The following ENC1 variants were observed in gnomAD, a reference collection of about 807,000 sequenced individuals.
ENC1 encodes the protein ectodermal-neural cortex 1, also known as ectoderm-neural cortex protein 1.
ENC1 carries 19 observed loss-of-function variants against 40.9 expected under a neutral mutation model. The ratio of observed to expected loss-of-function variants is 0.46; its 90% confidence interval spans 0.32 to 0.68. The LOEUF is 0.68. Among genes scored for constraint, ENC1 ranks in the 30% least tolerant of loss-of-function variants. ENC1 has a pLI of 0.03. For missense variants in ENC1, 479 were observed against 737.5 expected, an observed-to-expected ratio of 0.65 and a Z score of 4.06; for synonymous variants, 285 against 291.1, an observed-to-expected ratio of 0.98 and a Z score of 0.21.
In ENC1 at chr5:74,634,761, C is replaced by A. The variant is rs1208780395; in HGVS notation, c.1725G>T (p.Leu575=). The A allele has an allele frequency of 6.2e-7, 1 of 1,613,700 alleles. No individual in the cohort carries two copies. Among genetic ancestry groups the A allele is most frequent in the South Asian group, 1.1e-5 (1 of 91,058 alleles). The change falls in exon 2 of 3, where the codon CTG becomes CTT. Residue 575 remains leucine (L), a synonymous_variant. Coordinates refer to ENST00000302351, the MANE Select transcript of ENC1 (RefSeq NM_003633.4). ...WNSITTVPYS[L]IPTAFVSTWK... ...AGGTGCTGACAAATGCAGTAGGAAT[C>A]AGCGAGTACGGGACAGTGGTGATGC...
chr5:74,635,830 C>T lies in ENC1; in HGVS notation c.656G>A (p.Ser219Asn). The T allele has an allele frequency of 6.2e-7, 1 of 1,614,032 alleles. No homozygotes were observed. The highest frequency in any genetic ancestry group is 8.5e-7 in the Non-Finnish European group (1 of 1,180,034). The part of the protein sequence containing the change: ...LVYESAINWI[S>N]YDLKKRYCYL... ...GCAATAGCGCTTCTTCAGGTCATAG[C>T]TGATCCAGTTAATTGCAGACTCGTA... is the stretch of plus-strand genomic sequence containing the variant. The change falls in exon 2 of 3, where the codon AGC (serine) becomes AAC (asparagine). Residue 219 changes from serine (S) to asparagine (N), a missense_variant. Ser to Asn is a conservative substitution (Grantham distance 46). Coordinates refer to ENST00000302351, the MANE Select transcript of ENC1 (RefSeq NM_003633.4). This position sits in a 1 kb window ranked among gnomAD's most constrained non-coding sequence, Gnocchi z 5.5.
intron 2 of ENC1, among the ~76,000 whole-genome samples, chr5:74,633,562 T>C (rs965101113): frequency 3.9e-5 from 6 of 152,248 alleles, no homozygotes; most frequent in African/African-American, 1.4e-4. Context: ...ACATTTAAAA[T>C]AAGCTAATAA....
intron 2 of ENC1, among the ~76,000 whole-genome samples, chr5:74,632,820 C>T (rs968640216): frequency 7.9e-5 from 12 of 152,170 alleles, no homozygotes; most frequent in African/African-American, 2.4e-4. Flanking sequence ...CATTGCACCC[C>T]AGCCTGGGAA....
At position 74,635,649 on chromosome 5, in the gene ENC1, A is replaced by T; in HGVS notation, c.837T>A (p.Asn279Lys). The T allele has an allele frequency of 1.2e-6, 2 of 1,614,218 alleles. No individual in the cohort carries two copies. Among genetic ancestry groups the T allele is most frequent in the Non-Finnish European group, 1.7e-6 (2 of 1,180,038 alleles). The change falls in exon 2 of 3, where the codon AAT becomes AAA. Residue 279 changes from asparagine to lysine, a missense_variant. By Grantham distance (94) the Asn-to-Lys change is moderately conservative. Coordinates refer to ENST00000302351, the MANE Select transcript of ENC1 (RefSeq NM_003633.4). The surrounding 1 kb of genome is among the most constrained non-coding windows in gnomAD (Gnocchi z 5.5). ...AIRCKLKILQNDGVVTSLCAR... is the reference protein window; with the variant it reads ...AIRCKLKILQKDGVVTSLCAR... ...CACAGAGGCTGGTTACCACACCGTC[A>T]TTCTGCAGGATTTTCAGTTTGCACC...
rs1747592740 is a variant in ENC1 at position 74,636,329 on chromosome 5, C to T, written c.157G>A (p.Gly53Arg). 5 of 1,614,138 alleles carry T rather than the reference C, an allele frequency of 3.1e-6. No homozygotes were observed. The highest frequency in any genetic ancestry group is 2.2e-5 in the East Asian group (1 of 44,866). Residue 53 changes from glycine to arginine, a missense_variant, in exon 2 of 3, where the codon GGA (glycine) becomes AGA (arginine). By Grantham distance (125) the Gly-to-Arg change is moderately radical. Transcript: ENST00000302351. This position sits in a 1 kb window ranked among gnomAD's most constrained non-coding sequence, Gnocchi z 4.8. ...CGGTGGCAAGGGAAGGTCCTATTTC[C>T]GGCATGGAGAAGGACGTCAGTGAAG... Reference protein sequence around the residue: ...RLFTDVLLHAGNRTFPCHRAV... With the variant: ...RLFTDVLLHARNRTFPCHRAV...
rs745754464 is a variant in ENC1, at chr5:74,640,449, C to T, written c.-156G>A. On this transcript the variant is annotated 5_prime_UTR_variant, in exon 1 of 3. Transcript: ENST00000302351. ...GGCCAGCCGGGGAGAGGACTGCGCCCCGAACGATGGCTCGCGGACCGGCTA... is the reference window on the plus strand; with the variant it reads ...GGCCAGCCGGGGAGAGGACTGCGCCTCGAACGATGGCTCGCGGACCGGCTA... 1 of 152,296 alleles carries T rather than the reference C, an allele frequency of 6.6e-6. No individual in the cohort carries two copies. Among genetic ancestry groups the T allele is most frequent in the East Asian group, 1.9e-4 (1 of 5,184 alleles). 9.4% of individuals were successfully genotyped at this position (152,296 alleles called of 1,614,324 possible).
At position 74,635,451 on chromosome 5, in the gene ENC1, A is replaced by G; in HGVS notation, c.1035T>C (p.Thr345=). Residue 345 remains threonine, a synonymous_variant, in exon 2 of 3, where the codon ACT becomes ACC. Coordinates refer to ENST00000302351, the MANE Select transcript of ENC1 (RefSeq NM_003633.4). This position sits in a 1 kb window ranked among gnomAD's most constrained non-coding sequence, Gnocchi z 5.5. The part of the protein sequence containing the change: ...ACAIGCKVYI[T]GGRGSENGVS... ...CCCCATTTTCAGACCCCCGCCCCCC[A>G]GTAATGTACACTTTGCAGCCAATCG... 6.2e-7 allele frequency: 1 copy of G among 1,613,796 alleles called. No individual in the cohort carries two copies. Among genetic ancestry groups the G allele is most frequent in the South Asian group, 1.1e-5 (1 of 91,064 alleles).
At position 74,635,823 on chromosome 5, in the gene ENC1, G is replaced by A; in HGVS notation, c.663C>T (p.Asp221=). 1.2e-6 allele frequency: 2 copies of A among 1,614,006 alleles called. No homozygotes were observed. The highest frequency in any genetic ancestry group is 1.7e-6 in the Non-Finnish European group (2 of 1,180,014). The stretch of plus-strand genomic sequence containing the variant: ...GGAGGTAGCAATAGCGCTTCTTCAG[G>A]TCATAGCTGATCCAGTTAATTGCAG... ...YESAINWISY[D]LKKRYCYLPE... The change falls in exon 2 of 3, where the codon GAC becomes GAT. Residue 221 remains aspartate (D), a synonymous_variant. Transcript: ENST00000302351. The surrounding 1 kb of genome is among the most constrained non-coding windows in gnomAD (Gnocchi z 5.5).
Position 74,635,184 on chromosome 5 carries a change from A to G in ENC1, c.1302T>C (p.Val434=). The G allele has an allele frequency of 6.2e-7, 1 of 1,614,202 alleles. No homozygotes were observed. The highest frequency in any genetic ancestry group is 8.5e-7 in the Non-Finnish European group (1 of 1,180,036). Reference sequence around the variant, plus strand: ...TGGCACTCACTACTGCGGCGTTGCTAACGCCTTCTCGGAGTGGGGCCACCA... The same window carrying G: ...TGGCACTCACTACTGCGGCGTTGCTGACGCCTTCTCGGAGTGGGGCCACCA... ...WTMVAPLREG[V]SNAAVVSAKL... is the part of the protein sequence containing the mutation. Residue 434 remains valine (V), a synonymous_variant, in exon 2 of 3, where the codon GTT becomes GTC. Transcript: ENST00000302351. This position sits in a 1 kb window ranked among gnomAD's most constrained non-coding sequence, Gnocchi z 5.5.
In ENC1 at chr5:74,640,402, G is replaced by A. The variant is rs1747814657; in HGVS notation, c.-109C>T. ...GTCGTCTCAGCCCAGGGAAGCGGTG[G>A]CGAATGCCCCGGAGAAAGGAGGGCC... On this transcript the variant is annotated 5_prime_UTR_variant, in exon 1 of 3. Coordinates refer to ENST00000302351, the MANE Select transcript of ENC1 (RefSeq NM_003633.4). The A allele has an allele frequency of 6.6e-6, 1 of 152,346 alleles. No homozygotes were observed. Among genetic ancestry groups the A allele is most frequent in the African/African-American group, 2.4e-5 (1 of 41,472 alleles). 9.4% of individuals were successfully genotyped at this position (152,346 alleles called of 1,614,324 possible).
Position 74,636,000 on chromosome 5 carries a change from G to T in ENC1, c.486C>A (p.Thr162=). ...MLLLSDAHQC[T]KLYELSWRMC... ...TTCTCCAAGATAGTTCGTACAGCTT[G>T]GTGCACTGGTGTGCATCAGACAGCA... The change falls in exon 2 of 3, where the codon ACC becomes ACA. Residue 162 remains threonine (T), a synonymous_variant. Transcript: ENST00000302351. The surrounding 1 kb of genome is among the most constrained non-coding windows in gnomAD (Gnocchi z 5.5). The T allele has an allele frequency of 6.2e-7, 1 of 1,614,144 alleles. No homozygotes were observed. Among genetic ancestry groups the T allele is most frequent in the East Asian group, 2.2e-5 (1 of 44,888 alleles).
chr5:74,632,679 C>A (rs2112019830), intron 2 of ENC1, among the ~76,000 whole-genome samples: 1 of 152,266 alleles, frequency 6.6e-6, no homozygotes, highest in South Asian at 2.1e-4. Flanking sequence ...CATGGTGAAA[C>A]CCCATCTCTA....
chr5:74,628,055 G>A lies in ENC1; in HGVS notation c.*1970C>T, dbSNP rs755315770. The A allele has an allele frequency of 6.6e-6, 1 of 152,558 alleles. No homozygotes were observed. Among genetic ancestry groups the A allele is most frequent in the Non-Finnish European group, 1.5e-5 (1 of 68,048 alleles). The allele number at this position is 152,558 out of a possible 1,614,324, so 9.5% of individuals were successfully genotyped here. ...GCAGATTTGCATCATAAACTACAGA[G>A]CTGTAACTGCTACAATATAAACGAC... On this transcript the variant is annotated 3_prime_UTR_variant, in exon 3 of 3. Transcript: ENST00000302351.
intron 2 of ENC1, among the ~76,000 whole-genome samples, chr5:74,633,931 G>C (rs1161420420): frequency 6.6e-6 from 1 of 152,206 alleles, no homozygotes; most frequent in Non-Finnish European, 1.5e-5. Flanking sequence ...TGATCCGTGG[G>C]AAACACGTGG....
In ENC1 at chr5:74,635,702, T is replaced by C; in HGVS notation, c.784A>G (p.Ser262Gly). ...MEELITKQRK[S>G]KEIVEEAIRC... ...ATGGCCTCTTCCACAATTTCCTTAC[T>C]CTTTCTCTGCTTGGTGATGAGTTCC... Residue 262 changes from serine (S) to glycine (G), a missense_variant, in exon 2 of 3, where the codon AGT becomes GGT. Physicochemically the swap from Ser to Gly is moderately conservative, Grantham distance 56. Coordinates refer to ENST00000302351, the MANE Select transcript of ENC1 (RefSeq NM_003633.4). This position sits in a 1 kb window ranked among gnomAD's most constrained non-coding sequence, Gnocchi z 5.5. 6.2e-7 allele frequency: 1 copy of C among 1,614,180 alleles called. No homozygotes were observed. The highest frequency in any genetic ancestry group is 8.5e-7 in the Non-Finnish European group (1 of 1,180,034).
At position 74,630,623 on chromosome 5, in the gene ENC1, G is replaced by A. The variant is rs148338144; in HGVS notation, c.*33-631C>T. On this transcript the variant is annotated intron_variant, in intron 2 of 2. Coordinates refer to ENST00000302351, the MANE Select transcript of ENC1 (RefSeq NM_003633.4). ...AGTTTGGAGTTTATTCTCAAAGTTC[G>A]TCAGTCCACACGTAGGTGCCAGCAG... 4.6e-5 allele frequency among the ~76,000 whole-genome samples: 7 copies of A among 152,214 alleles called. No individual in the cohort carries two copies. In the East Asian group the frequency reaches 7.7e-4, roughly 17 times the overall value.
intron 1 of ENC1, among the ~76,000 whole-genome samples, chr5:74,638,572 T>C (rs1379767514): frequency 6.6e-6 from 1 of 152,220 alleles, no homozygotes; most frequent in Non-Finnish European, 1.5e-5. Flanking sequence ...GCATCTACTG[T>C]CTACTCCATT....
At position 74,635,224 on chromosome 5, in the gene ENC1, A is replaced by T. The variant is rs760662583; in HGVS notation, c.1262T>A (p.Ile421Asn). Residue 421 changes from isoleucine to asparagine, a missense_variant, in exon 2 of 3, where the codon ATC becomes AAC. Ile to Asn is a moderately radical substitution (Grantham distance 149). Transcript: ENST00000302351. This position sits in a 1 kb window ranked among gnomAD's most constrained non-coding sequence, Gnocchi z 5.5. The stretch of plus-strand genomic sequence containing the variant: ...TGGGGCCACCATGGTCCATTTGTTG[A>T]TTGTGGGGTCATAATGTTCTACCTG... ...LKQVEHYDPTINKWTMVAPLR... is the reference protein window; with the variant it reads ...LKQVEHYDPTNNKWTMVAPLR... The T allele has an allele frequency of 1.9e-6, 3 of 1,614,046 alleles. No homozygotes were observed. Among genetic ancestry groups the T allele is most frequent in the Non-Finnish European group, 2.5e-6 (3 of 1,180,012 alleles).
Position 74,635,792 on chromosome 5 carries a change from G to C in ENC1, c.694C>G (p.Leu232Val). The part of the protein sequence containing the change: ...LKKRYCYLPE[L>V]LQTVRLALLP... ...AGTGCCAGCCTTACTGTCTGCAACA[G>C]TTCTGGGAGGTAGCAATAGCGCTTC... Residue 232 changes from leucine to valine, a missense_variant, in exon 2 of 3, where the codon CTG becomes GTG. Physicochemically the swap from Leu to Val is conservative, Grantham distance 32. Transcript: ENST00000302351. This position sits in a 1 kb window ranked among gnomAD's most constrained non-coding sequence, Gnocchi z 5.5. The C allele has an allele frequency of 6.2e-7, 1 of 1,614,086 alleles. No individual in the cohort carries two copies. The highest frequency in any genetic ancestry group is 8.5e-7 in the Non-Finnish European group (1 of 1,179,996).
Sources: allele counts gnomAD v4.1 joint callset (sites outside exome capture counted in the v4.1 genomes callset), GRCh38; gene constraint gnomAD v4.1.1; non-coding constraint Gnocchi (gnomAD v3.1); transcripts MANE v1.5; gene names NCBI Gene and HGNC (gene_info 2026-07-23, HGNC 2026-07-21).